Variants in RSRC1 observed in about 807,000 individuals in gnomAD.
RSRC1 encodes the protein arginine and serine rich coiled-coil 1.
In RSRC1, 39 loss-of-function variants were observed where a neutral mutation model predicts 49.1. The ratio of observed to expected loss-of-function variants is 0.79; its 90% CI spans 0.61 to 1.04. RSRC1 has a LOEUF of 1.04. Ranked by LOEUF, RSRC1 falls within the 50% of genes least tolerant of loss-of-function variation. The pLI is 0.00. For missense variants in RSRC1, 388 were observed against 402.4 expected (o/e 0.96, Z 0.31); for synonymous variants, 143 against 130.8 (o/e 1.09, Z -0.63).
chr3:158,435,966 T>C (rs757121385), intron 6 of RSRC1, among the ~76,000 whole-genome samples: 14 of 151,940 alleles, frequency 9.2e-5, no homozygotes, highest in Non-Finnish European at 5.9e-5. Flanking sequence ...TGTAATTTTT[T>C]GAGACACTGA....
At chr3:158,440,615 A>T (rs2362964) in intron 6 of RSRC1, among the ~76,000 whole-genome samples, 1 of 152,128 alleles carries the variant, frequency 6.6e-6, no homozygotes, top group Non-Finnish European at 1.5e-5. Context: ...CACACACACA[A>T]ATCCACACCA....
At chr3:158,414,064 G>A (rs1734611210) in intron 6 of RSRC1, among the ~76,000 whole-genome samples, 1 of 152,084 alleles carries the variant, frequency 6.6e-6, no homozygotes. Context: ...ATACCCAAAG[G>A]AATATAAATT....
chr3:158,477,798 T>TATATATA (rs1738432613), intron 7 of RSRC1, among the ~76,000 whole-genome samples: 5 of 89,772 alleles, frequency 5.6e-5, no homozygotes, highest in African/African-American at 2.3e-4. Context: ...CGGGAGGGAT[T>TATATATA]TATATATATA....
intron 4 of RSRC1, among the ~76,000 whole-genome samples, chr3:158,228,636 G>A (rs58679340): frequency 0.043 from 6,601 of 151,878 alleles, 465 homozygotes; most frequent in African/African-American, 0.15. Flanking sequence ...TTAGATGAAA[G>A]CAGTTTAAGA....
At chr3:158,254,517 T>A (rs1402331962) in intron 4 of RSRC1, among the ~76,000 whole-genome samples, 1 of 151,740 alleles carries the variant, frequency 6.6e-6, no homozygotes, top group Non-Finnish European at 1.5e-5. Context: ...CTGCAAGCCC[T>A]GCCTCCTGGG....
chr3:158,377,928 C>T (rs538601165), intron 6 of RSRC1, among the ~76,000 whole-genome samples: 6 of 152,162 alleles, frequency 3.9e-5, no homozygotes, highest in South Asian at 2.1e-4. Flanking sequence ...TTCAAAGTGC[C>T]GGGATTACAG....
intron 5 of RSRC1, among the ~76,000 whole-genome samples, chr3:158,329,820 C>G (rs1173091423): frequency 1.3e-5 from 2 of 152,230 alleles, no homozygotes; most frequent in Non-Finnish European, 2.9e-5. Flanking sequence ...TGTCTATGCC[C>G]TGCCCCCAGA....
intron 7 of RSRC1, among the ~76,000 whole-genome samples, chr3:158,468,754 T>C (rs1305857890): frequency 6.6e-6 from 1 of 152,110 alleles, no homozygotes; most frequent in African/African-American, 2.4e-5. Context: ...CATCTTAATT[T>C]TAGTATAAAA....
At chr3:158,176,884 G>A (rs1417728676) in intron 3 of RSRC1, among the ~76,000 whole-genome samples, 2 of 152,098 alleles carry the variant, frequency 1.3e-5, no homozygotes, top group African/African-American at 2.4e-5. Context: ...GAAAATTTTT[G>A]CAATCTACCC....
intron 5 of RSRC1, among the ~76,000 whole-genome samples, chr3:158,347,317 T>C (rs996869963): frequency 3.9e-5 from 6 of 152,162 alleles, no homozygotes; most frequent in African/African-American, 1.4e-4. Context: ...TTCGGTTGAT[T>C]GAATGTAGTG....
chr3:158,304,142 C>A (rs1272114944), intron 5 of RSRC1, among the ~76,000 whole-genome samples: 7 of 152,012 alleles, frequency 4.6e-5, no homozygotes, highest in Admixed American at 4.6e-4. Context: ...CACAGTCTGA[C>A]CATTTTAAGT....
rs571785938 is a variant in RSRC1, at chr3:158,198,922, G to C, written c.321-4150G>C. ...ATGGACAAGGACAAATATTACTGCT[G>C]CTGAAAGCCATGTAATTCTCTTAAA... On this transcript the variant is annotated intron_variant, in intron 3 of 9. Coordinates refer to ENST00000611884, the MANE Select transcript of RSRC1 (RefSeq NM_001271838.2). 4.6e-5 allele frequency among the ~76,000 whole-genome samples: 7 copies of C among 152,286 alleles called. No individual in the cohort carries two copies. The South Asian group carries it at 1.4e-3, about 32-fold the overall frequency.
chr3:158,223,603 C>CTTTTTTTTTTTTT (rs1722348128), intron 4 of RSRC1, among the ~76,000 whole-genome samples: 1 of 58,514 alleles, frequency 1.7e-5, no homozygotes, highest in African/African-American at 5.6e-5. Flanking sequence ...TTTTTTTTTG[C>CTTTTTTTTTTTTT]TTTCAATCTT....
At chr3:158,424,997 T>C (rs548627359) in intron 6 of RSRC1, among the ~76,000 whole-genome samples, 3 of 151,608 alleles carry the variant, frequency 2.0e-5, no homozygotes, top group Admixed American at 6.6e-5. Context: ...TTGCTAGCGG[T>C]CTATCAATTT....
At chr3:158,301,659 C>G in intron 5 of RSRC1, among the ~76,000 whole-genome samples, 1 of 152,108 alleles carries the variant, frequency 6.6e-6, no homozygotes, top group Non-Finnish European at 1.5e-5. Context: ...AGTAAAACAA[C>G]CCTATTAAAA....
intron 6 of RSRC1, among the ~76,000 whole-genome samples, chr3:158,359,650 G>C (rs1448847744): frequency 1.3e-5 from 2 of 152,190 alleles, no homozygotes; most frequent in Admixed American, 1.3e-4. Flanking sequence ...CAAGGAGGGA[G>C]CCACAGTCCT....
At chr3:158,384,411 G>C (rs1411966883) in intron 6 of RSRC1, among the ~76,000 whole-genome samples, 1 of 152,132 alleles carries the variant, frequency 6.6e-6, no homozygotes, top group Non-Finnish European at 1.5e-5. Flanking sequence ...TCAGAACTTG[G>C]GAGGCTAGGG....
At position 158,122,298 on chromosome 3, in the gene RSRC1, G is replaced by A. The variant is rs965003617; in HGVS notation, c.194G>A (p.Arg65Lys). ...LQPRSHSYDR[R>K]RRHRSSSSSS... ...CCTCGTTCACATTCTTATGATAGAA[G>A]GTGATTTTTGTAATTTTTATTTATA... Residue 65 changes from arginine to lysine, a missense_variant and splice_region_variant, in exon 2 of 10, where the codon AGA becomes AAA. Arg to Lys is a conservative substitution (Grantham distance 26). Transcript: ENST00000611884. 7 of 1,543,060 alleles carry A rather than the reference G, an allele frequency of 4.5e-6. No homozygotes were observed. The highest frequency in any genetic ancestry group is 6.1e-6 in the Non-Finnish European group (7 of 1,144,936).
intron 6 of RSRC1, among the ~76,000 whole-genome samples, chr3:158,395,505 A>T (rs904997101): frequency 6.6e-6 from 1 of 152,086 alleles, no homozygotes; most frequent in Non-Finnish European, 1.5e-5. Context: ...CCCTATAAAA[A>T]AGTGGGAGAA....
Sources: allele counts gnomAD v4.1 joint callset (sites outside exome capture counted in the v4.1 genomes callset), GRCh38; gene constraint gnomAD v4.1.1; transcripts MANE v1.5; gene names NCBI Gene and HGNC (gene_info 2026-07-23, HGNC 2026-07-21).